GVQW3: variants seen among roughly 807,000 people sequenced by gnomAD.
GVQW3 encodes the protein GVQW motif containing 3, also known as protein GVQW3.
In GVQW3, 7 loss-of-function variants were observed where a neutral mutation model predicts 12.5. The observed-to-expected ratio is 0.56, with a 90% confidence interval of 0.32 to 1.05. The LOEUF is 1.05. Among genes scored for constraint, GVQW3 ranks in the 50% least tolerant of loss-of-function variants. GVQW3 has a pLI of 0.04. For synonymous variants in GVQW3, 71 were observed against 67.2 expected (o/e 1.06, Z -0.28); for missense variants, 188 against 190.8 (o/e 0.99, Z 0.09).
At chr11:76,414,614 C>T (rs1398813740), downstream of GVQW3, 2 of 86,816 alleles carry the variant, frequency 2.3e-5, no homozygotes, top group African/African-American at 9.9e-5. Flanking sequence ...CTGCAATGGT[C>T]CCCACAAAAA....
downstream of GVQW3, chr11:76,413,066 T>C (rs1947092334): frequency 6.6e-6 from 1 of 152,178 alleles, no homozygotes; most frequent in African/African-American, 2.4e-5. Flanking sequence ...TAATACAGTG[T>C]TAAGAACGGA....
intron 1 of GVQW3, among the ~76,000 whole-genome samples, chr11:76,386,753 C>T (rs747535260): frequency 2.0e-5 from 3 of 152,118 alleles, no homozygotes; most frequent in South Asian, 2.1e-4. Flanking sequence ...TTTTACCAGG[C>T]GTTTATATCT....
At chr11:76,401,233 G>T (rs566186438) in intron 1 of GVQW3, among the ~76,000 whole-genome samples, 7 of 151,808 alleles carry the variant, frequency 4.6e-5, no homozygotes, top group Admixed American at 2.6e-4. Context: ...TCTCTTTCAG[G>T]TGTTTCCATT....
chr11:76,394,008 C>T (rs531708258), intron 1 of GVQW3, among the ~76,000 whole-genome samples: 2 of 152,134 alleles, frequency 1.3e-5, no homozygotes, highest in African/African-American at 4.8e-5. Context: ...AAGCGATTTT[C>T]GTGCTTCAGC....
At chr11:76,402,365 C>T (rs950487681) in intron 1 of GVQW3, among the ~76,000 whole-genome samples, 8 of 152,052 alleles carry the variant, frequency 5.3e-5, no homozygotes, top group African/African-American at 1.7e-4. Context: ...CCAGCCTGGA[C>T]AACATGGTGA....
At chr11:76,410,150 G>A (rs1246906757), downstream of GVQW3, among the ~76,000 whole-genome samples, 2 of 152,190 alleles carry the variant, frequency 1.3e-5, no homozygotes, top group African/African-American at 4.8e-5. Context: ...AGCTAGTCGG[G>A]AGGCTGAGAT....
At chr11:76,382,737 G>C (rs543984497) in intron 1 of GVQW3, 52 of 334,720 alleles carry the variant, frequency 1.6e-4, no homozygotes, top group Non-Finnish European at 2.4e-4. Context: ...TGTTGTGGCT[G>C]TCCTGTTCCT....
chr11:76,399,959 A>G (rs1402924345), intron 1 of GVQW3, among the ~76,000 whole-genome samples: 1 of 150,976 alleles, frequency 6.6e-6, no homozygotes. Flanking sequence ...AATTGCCTCC[A>G]TAATTGCATG....
chr11:76,399,331 G>A (rs1241295638), intron 1 of GVQW3, among the ~76,000 whole-genome samples: 1 of 151,762 alleles, frequency 6.6e-6, no homozygotes, highest in Non-Finnish European at 1.5e-5. Flanking sequence ...TAGTAGAGAT[G>A]GGGTTTCACC....
intron 1 of GVQW3, among the ~76,000 whole-genome samples, chr11:76,398,480 T>G (rs1946959775): frequency 6.6e-6 from 1 of 151,726 alleles, no homozygotes. Context: ...CCCAGCTAAT[T>G]TTTTGTATTT....
intron 1 of GVQW3, among the ~76,000 whole-genome samples, chr11:76,401,174 G>A (rs1946985727): frequency 6.6e-6 from 1 of 151,742 alleles, no homozygotes; most frequent in Admixed American, 6.6e-5. Flanking sequence ...CGCCTGACCA[G>A]GCTTCTACAC....
chr11:76,406,147 A>T lies in GVQW3; in HGVS notation c.*2389A>T, dbSNP rs1246028011. On this transcript the variant is annotated 3_prime_UTR_variant, in exon 2 of 2. Coordinates refer to ENST00000529331, the MANE Select transcript of GVQW3 (RefSeq NM_001347885.2). ...ATCACCATGCCCAGCTAATTTTTGC[A>T]TTTTTTGTAGAGTCAGGGTTTCACC... The T allele has an allele frequency of 6.6e-6, 1 of 151,570 alleles. No individual in the cohort carries two copies. The highest frequency in any genetic ancestry group is 6.6e-5 in the Admixed American group (1 of 15,220). The allele number at this position is 151,570 out of a possible 1,614,324, so 9.4% of individuals were successfully genotyped here.
Position 76,381,665 on chromosome 11 carries a change from C to T in GVQW3, c.-164C>T, listed in dbSNP as rs926807817. 1.4e-5 allele frequency: 9 copies of T among 652,128 alleles called. No individual in the cohort carries two copies. The highest frequency in any genetic ancestry group is 1.3e-4 in the African/African-American group (7 of 54,700). The allele number at this position is 652,128 out of a possible 1,614,324, so 40.4% of individuals were successfully genotyped here. A position where few individuals can be genotyped will look rare whatever the true frequency, so the allele number is the denominator to read the frequency against. On this transcript the variant is annotated 5_prime_UTR_variant, in exon 1 of 2. Transcript: ENST00000529331. Reference sequence around the variant, plus strand: ...GGATCTCCCCAGCCTCGACTGGAAGCTGAGGGACAAAAATTCATAAAAGCA... The same window carrying T: ...GGATCTCCCCAGCCTCGACTGGAAGTTGAGGGACAAAAATTCATAAAAGCA...
intron 1 of GVQW3, among the ~76,000 whole-genome samples, chr11:76,388,216 T>C (rs975968088): frequency 2.0e-5 from 3 of 152,228 alleles, no homozygotes; most frequent in Non-Finnish European, 4.4e-5. Flanking sequence ...AATAAGCTTA[T>C]GTTATCACCT....
rs2134569140 is a variant in GVQW3, at chr11:76,407,560, G to A, written c.*3802G>A. 8.1e-6 allele frequency: 1 copy of A among 122,872 alleles called. No individual in the cohort carries two copies. The highest frequency in any genetic ancestry group is 1.6e-5 in the Non-Finnish European group (1 of 61,760). 7.6% of individuals were successfully genotyped at this position (122,872 alleles called of 1,614,324 possible). A position where few individuals can be genotyped will look rare whatever the true frequency, so the allele number is the denominator to read the frequency against. ...CCACTGCACTCCAGCCTGGGCGGCAGAGCAAGACTCCCTCTCAAAAAAAAA... is the reference window on the plus strand; with the variant it reads ...CCACTGCACTCCAGCCTGGGCGGCAAAGCAAGACTCCCTCTCAAAAAAAAA... On this transcript the variant is annotated 3_prime_UTR_variant, in exon 2 of 2. Coordinates refer to ENST00000529331, the MANE Select transcript of GVQW3 (RefSeq NM_001347885.2).
chr11:76,395,522 A>T (rs763477920), intron 1 of GVQW3, among the ~76,000 whole-genome samples: 10 of 152,032 alleles, frequency 6.6e-5, no homozygotes, highest in Non-Finnish European at 1.2e-4. Context: ...GCAGGTCCTT[A>T]CCTTCTGGTA....
intron 1 of GVQW3, among the ~76,000 whole-genome samples, chr11:76,398,678 C>T (rs1337048517): frequency 6.6e-6 from 1 of 152,098 alleles, no homozygotes; most frequent in Non-Finnish European, 1.5e-5. Flanking sequence ...CCAGGTTGGT[C>T]TTCAACACCT....
Position 76,382,216 on chromosome 11 carries a change from C to A in GVQW3, c.388C>A (p.Pro130Thr). 6.5e-7 allele frequency: 1 copy of A among 1,536,046 alleles called. No homozygotes were observed. Among genetic ancestry groups the A allele is most frequent in the South Asian group, 1.2e-5 (1 of 84,058 alleles). ...KVISGVLKGE[P>T]KPRKLDFRSD... The stretch of plus-strand genomic sequence containing the variant: ...TATTTCGGGTGTTTTGAAGGGTGAG[C>A]CTAAACCACGAAAACTTGACTTTCG... The change falls in exon 1 of 2, where the codon CCT (proline) becomes ACT (threonine). Residue 130 changes from proline (P) to threonine (T), a missense_variant. Transcript: ENST00000529331.
At position 76,407,223 on chromosome 11, in the gene GVQW3, GA is replaced by G. The variant is rs1490750252; in HGVS notation, c.*3468del. On this transcript the variant is annotated 3_prime_UTR_variant, in exon 2 of 2. Transcript: ENST00000529331. ...GTCAGGTGAGACATGTTGCATTGGT[GA>G]AATTATAAATTGATATTGTTTTCTC... 1 of 152,052 alleles carries G rather than the reference GA, an allele frequency of 6.6e-6. No homozygotes were observed. Among genetic ancestry groups the G allele is most frequent in the African/African-American group, 2.4e-5 (1 of 41,406 alleles). The allele number at this position is 152,052 out of a possible 1,614,324, so 9.4% of individuals were successfully genotyped here.
Sources: allele counts gnomAD v4.1 joint callset (sites outside exome capture counted in the v4.1 genomes callset), GRCh38; gene constraint gnomAD v4.1.1; transcripts MANE v1.5; gene names NCBI Gene and HGNC (gene_info 2026-07-23, HGNC 2026-07-21).